MAGI2: variants seen among roughly 807,000 people sequenced by gnomAD.
The protein encoded by MAGI2 is membrane-associated guanylate kinase, WW and PDZ domain-containing protein 2.
MAGI2 carries 35 observed loss-of-function variants against 133.3 expected under a neutral mutation model. The observed-to-expected ratio is 0.26, with a 90% confidence interval of 0.20 to 0.35. The LOEUF (loss-of-function observed/expected upper bound fraction) is 0.35, where lower values mean the gene tolerates loss of function less well. Ranked by LOEUF, MAGI2 falls within the 10% of genes least tolerant of loss-of-function variation. The probability of loss-of-function intolerance (pLI) is 1.00; values close to 1 mark genes in which losing one functional copy is unlikely to be tolerated. For synonymous variants in MAGI2, 729 were observed against 710.6 expected (o/e 1.03, Z -0.41); for missense variants, 1,636 against 1,863.4 (o/e 0.88, Z 2.25).
chr7:78,878,818 T>A (rs1390778357), intron 2 of MAGI2, among the ~76,000 whole-genome samples: 7 of 152,184 alleles, frequency 4.6e-5, no homozygotes, highest in Admixed American at 6.5e-5. Flanking sequence ...CTGAAGCACC[T>A]GCTCACCTGG....
At chr7:78,833,937 T>G (rs1791404167) in intron 2 of MAGI2, among the ~76,000 whole-genome samples, 1 of 152,194 alleles carries the variant, frequency 6.6e-6, no homozygotes, top group Non-Finnish European at 1.5e-5. Flanking sequence ...GAAAGTTTTT[T>G]CTATACTCCA....
chr7:78,397,496 G>A (rs1341878517), intron 6 of MAGI2, among the ~76,000 whole-genome samples: 2 of 151,890 alleles, frequency 1.3e-5, no homozygotes, highest in Non-Finnish European at 2.9e-5. Context: ...AGGAAGCAGG[G>A]TTGAGTTGCA....
At chr7:78,285,288 T>A (rs1050889876) in intron 9 of MAGI2, among the ~76,000 whole-genome samples, 2 of 152,176 alleles carry the variant, frequency 1.3e-5, no homozygotes, top group African/African-American at 4.8e-5. Context: ...ATCCTTAGAT[T>A]TTTGGTAAAA....
At chr7:79,041,038 A>C (rs1811615328) in intron 1 of MAGI2, among the ~76,000 whole-genome samples, 5 of 152,202 alleles carry the variant, frequency 3.3e-5, no homozygotes, top group African/African-American at 1.2e-4. Flanking sequence ...GTATATCCCA[A>C]GTACTCTAAT....
At chr7:78,234,077 A>G (rs1287028908) in intron 10 of MAGI2, among the ~76,000 whole-genome samples, 1 of 152,214 alleles carries the variant, frequency 6.6e-6, no homozygotes, top group Non-Finnish European at 1.5e-5. Flanking sequence ...AGGCCCTGCA[A>G]ATCACTTTAG....
intron 1 of MAGI2, among the ~76,000 whole-genome samples, chr7:79,028,252 T>C (rs1405398372): frequency 4.5e-5 from 1 of 22,192 alleles, no homozygotes; most frequent in African/African-American, 1.3e-4. Flanking sequence ...TATATATATA[T>C]ATATATATAT....
intron 9 of MAGI2, among the ~76,000 whole-genome samples, chr7:78,311,420 A>G (rs1321354567): frequency 6.6e-6 from 1 of 152,238 alleles, no homozygotes; most frequent in Non-Finnish European, 1.5e-5. Flanking sequence ...ATTTGGCAGT[A>G]CTGACGAGAC....
intron 1 of MAGI2, among the ~76,000 whole-genome samples, chr7:79,152,928 G>A (rs917356328): frequency 6.6e-6 from 1 of 152,050 alleles, no homozygotes; most frequent in Admixed American, 6.6e-5. Flanking sequence ...ACAATGATTT[G>A]TAATTTTTAA....
chr7:78,928,555 T>C (rs1046496935), intron 2 of MAGI2, among the ~76,000 whole-genome samples: 3 of 152,048 alleles, frequency 2.0e-5, no homozygotes, highest in Non-Finnish European at 4.4e-5. Context: ...CCAATAGCCA[T>C]GTCTAAAGAT....
intron 3 of MAGI2, among the ~76,000 whole-genome samples, chr7:78,599,622 T>C (rs1237192119): frequency 6.6e-6 from 1 of 152,214 alleles, no homozygotes; most frequent in African/African-American, 2.4e-5. Flanking sequence ...ACTCTTCCAC[T>C]GAACAATAAC....
chr7:78,533,887 C>T (rs1469136292), intron 3 of MAGI2, among the ~76,000 whole-genome samples: 1 of 152,136 alleles, frequency 6.6e-6, no homozygotes, highest in Non-Finnish European at 1.5e-5. Flanking sequence ...GGACAATAGA[C>T]ATTTGATAGG....
chr7:78,721,961 A>G (rs187283837), intron 2 of MAGI2, among the ~76,000 whole-genome samples: 3 of 151,988 alleles, frequency 2.0e-5, no homozygotes, highest in East Asian at 1.9e-4. Flanking sequence ...AATGTATTGT[A>G]TAATCTATTA....
chr7:78,808,269 T>A (rs1788750894), intron 2 of MAGI2, among the ~76,000 whole-genome samples: 1 of 152,164 alleles, frequency 6.6e-6, no homozygotes, highest in Non-Finnish European at 1.5e-5. Context: ...ATTTATTATT[T>A]TTTTTGAGAC....
chr7:79,125,420 G>A, intron 1 of MAGI2: 1 of 493,462 alleles, frequency 2.0e-6, no homozygotes, highest in Non-Finnish European at 4.0e-6. Flanking sequence ...GTCTTTGATG[G>A]GGATAGCTAT....
At chr7:78,509,169 T>G (rs1795359292) in intron 4 of MAGI2, among the ~76,000 whole-genome samples, 1 of 152,076 alleles carries the variant, frequency 6.6e-6, no homozygotes. Flanking sequence ...CAAAGAATAT[T>G]TCAGTAAAGA....
At position 78,562,045 on chromosome 7, in the gene MAGI2, C is replaced by T. The variant is rs76919329; in HGVS notation, c.539-40400G>A. ...ATGAAGTTTGTGAAAGATTCACAAACGCTCTATTAGGGTACATGCTTCCAT... is the reference window on the plus strand; with the variant it reads ...ATGAAGTTTGTGAAAGATTCACAAATGCTCTATTAGGGTACATGCTTCCAT... On this transcript the variant is annotated intron_variant, in intron 3 of 21. Coordinates refer to ENST00000354212, the MANE Select transcript of MAGI2 (RefSeq NM_012301.4). Among the ~76,000 whole-genome samples the T allele has an allele frequency of 4.0e-3, 615 of 152,158 alleles. 7 individuals carry two copies. Among genetic ancestry groups the T allele is most frequent in the East Asian group, 0.036 (187 of 5,168 alleles).
chr7:78,437,196 C>T (rs916842953), intron 6 of MAGI2, among the ~76,000 whole-genome samples: 3 of 152,134 alleles, frequency 2.0e-5, no homozygotes, highest in South Asian at 2.1e-4. Context: ...AGGCAATCCA[C>T]GAAGCATCAT....
At chr7:78,754,362 C>G (rs1011178942) in intron 2 of MAGI2, among the ~76,000 whole-genome samples, 1 of 145,154 alleles carries the variant, frequency 6.9e-6, no homozygotes, top group South Asian at 2.2e-4. Flanking sequence ...CAGAGCCAGA[C>G]CCTGTCTCAA....
intron 1 of MAGI2, among the ~76,000 whole-genome samples, chr7:79,448,896 T>C (rs1233278227): frequency 1.3e-5 from 2 of 152,130 alleles, no homozygotes; most frequent in African/African-American, 2.4e-5. Flanking sequence ...TTCGAGGTCA[T>C]ACCATTTAAA....
Sources: gnomAD v4.1 joint callset for allele counts (sites outside exome capture counted in the v4.1 genomes callset) on GRCh38, gnomAD v4.1.1 for gene constraint, MANE v1.5 for transcripts, NCBI Gene and HGNC (gene_info 2026-07-23, HGNC 2026-07-21) for gene names.